The following PRKCSH variants were observed in gnomAD, a reference collection of about 807,000 sequenced individuals.
PRKCSH encodes the protein glucosidase 2 subunit beta.
In PRKCSH, 42 loss-of-function variants were observed where a neutral mutation model predicts 79.7. The observed-to-expected ratio is 0.53, with a 90% CI of 0.41 to 0.68. The LOEUF is 0.68. PRKCSH is among the 30% of genes least tolerant of loss of function. The probability of loss-of-function intolerance (pLI) is 0.00; values close to 1 mark genes in which losing one functional copy is unlikely to be tolerated. For synonymous variants in PRKCSH, 325 were observed against 288.2 expected (o/e 1.13, Z -1.29); for missense variants, 686 against 709.0 (o/e 0.97, Z 0.37).
At chr19:11,436,541 T>G in intron 3 of PRKCSH, 36 bp downstream of exon 3, 1 of 1,500,094 alleles carries the variant, frequency 6.7e-7, no homozygotes, top group Non-Finnish European at 9.2e-7. Flanking sequence ...CAGATGTTTA[T>G]TGAACACTGC....
chr19:11,441,409 T>G, intron 6 of PRKCSH, 52 bp downstream of exon 6: 2 of 1,533,380 alleles, frequency 1.3e-6, no homozygotes, highest in Non-Finnish European at 1.8e-6. Flanking sequence ...TGAGGCCTCA[T>G]AGTGTGGGCT....
Position 11,448,651 on chromosome 19 carries a change from G to T in PRKCSH, c.1286+22G>T. The T allele has an allele frequency of 1.2e-6, 2 of 1,606,164 alleles. No homozygotes were observed. The highest frequency in any genetic ancestry group is 1.7e-6 in the Non-Finnish European group (2 of 1,172,920). ...ACGAGTGCGTCCCAGGAATGCAGGG[G>T]CCCCCACTGGCAGGGTGGGAGGCGG... On this transcript the variant is annotated intron_variant, in intron 14 of 17. Transcript: ENST00000677123. The surrounding 1 kb of genome is among the most constrained non-coding windows in gnomAD (Gnocchi z 4.4).
At chr19:11,445,620 C>G in intron 8 of PRKCSH, 147 bp downstream of exon 8, 1 of 792,978 alleles carries the variant, frequency 1.3e-6, no homozygotes, top group Non-Finnish European at 2.1e-6. Flanking sequence ...GTGACCCCGC[C>G]TCTTACTCGT....
chr19:11,446,823 C>A (rs1294973852), intron 9 of PRKCSH, among the ~76,000 whole-genome samples: 1 of 151,096 alleles, frequency 6.6e-6, no homozygotes, highest in Middle Eastern at 3.4e-3. Context: ...TCTGTACGTC[C>A]GTTTGTCCAT....
Position 11,449,684 on chromosome 19 carries a change from A to G in PRKCSH, c.*16+256A>G, listed in dbSNP as rs1404624798. Reference sequence around the variant, plus strand: ...CAGCCTCCCAAGTAGCTGGGATTACAGGTGTGCACCACCATGCCTGGCTAA... The same window carrying G: ...CAGCCTCCCAAGTAGCTGGGATTACGGGTGTGCACCACCATGCCTGGCTAA... On this transcript the variant is annotated intron_variant, in intron 17 of 17. Coordinates refer to ENST00000677123, the MANE Select transcript of PRKCSH (RefSeq NM_001289104.2). The surrounding 1 kb of genome is among the most constrained non-coding windows in gnomAD (Gnocchi z 6.4). 7.8e-6 allele frequency: 4 copies of G among 514,414 alleles called. No homozygotes were observed. The highest frequency in any genetic ancestry group is 1.4e-5 in the Non-Finnish European group (4 of 284,590). The allele number at this position is 514,414 out of a possible 1,614,324, so 31.9% of individuals were successfully genotyped here. A position where few individuals can be genotyped will look rare whatever the true frequency, so the allele number is the denominator to read the frequency against.
rs1356183763 is a variant in PRKCSH at position 11,439,898 on chromosome 19, T to C, written c.351-1342T>C. Among the ~76,000 whole-genome samples, 5 of 151,670 alleles carry C rather than the reference T, an allele frequency of 3.3e-5. No homozygotes were observed. In the East Asian group the frequency reaches 9.7e-4, roughly 30 times the overall value. On this transcript the variant is annotated intron_variant, in intron 5 of 17. Coordinates refer to ENST00000677123, the MANE Select transcript of PRKCSH (RefSeq NM_001289104.2). The stretch of plus-strand genomic sequence containing the variant: ...CCTCCCAAAGTGCGGGGATTACAGA[T>C]GTGAGCCACCATGCCCGGCTGAAAA...
chr19:11,440,061 A>C (rs1969985773), intron 5 of PRKCSH, among the ~76,000 whole-genome samples: 1 of 151,884 alleles, frequency 6.6e-6, no homozygotes, highest in South Asian at 2.1e-4. Flanking sequence ...CAAAAAAAAC[A>C]CAAAGTCCTA....
At chr19:11,439,600 C>CTT (rs1969953628) in intron 5 of PRKCSH, among the ~76,000 whole-genome samples, 6 of 66,490 alleles carry the variant, frequency 9.0e-5, no homozygotes, top group African/African-American at 3.5e-4. Context: ...AAAAATTTTT[C>CTT]TTTTCTTTTT....
intron 5 of PRKCSH, among the ~76,000 whole-genome samples, chr19:11,439,526 G>A (rs918526877): frequency 3.3e-5 from 5 of 149,940 alleles, no homozygotes; most frequent in Admixed American, 6.6e-5. Context: ...AGGCTAAGGC[G>A]AGAGGATCAC....
rs191571650 is a variant in PRKCSH, at chr19:11,449,197, G to T, written c.1461+22G>T. 1,347 of 1,613,628 alleles carry T rather than the reference G, an allele frequency of 8.3e-4. 18 individuals are homozygous for T. In the East Asian group the frequency reaches 0.021, roughly 26 times the overall value. On this transcript the variant is annotated intron_variant, in intron 16 of 17. Coordinates refer to ENST00000677123, the MANE Select transcript of PRKCSH (RefSeq NM_001289104.2). This position sits in a 1 kb window ranked among gnomAD's most constrained non-coding sequence, Gnocchi z 6.4. Reference sequence around the variant, plus strand: ...CACCGTGAGTGCCTGCAAGGCAGGGGAGCTGGGGCGGGGAGACCCAGGCCT... The same window carrying T: ...CACCGTGAGTGCCTGCAAGGCAGGGTAGCTGGGGCGGGGAGACCCAGGCCT...
chr19:11,449,328 G>A lies in PRKCSH; in HGVS notation c.1524G>A (p.Glu508=). 6.2e-7 allele frequency: 1 copy of A among 1,613,598 alleles called. No homozygotes were observed. The highest frequency in any genetic ancestry group is 8.5e-7 in the Non-Finnish European group (1 of 1,179,974). The change falls in exon 17 of 18, where the codon GAG becomes GAA. Residue 508 remains glutamate, a synonymous_variant. Transcript: ENST00000677123. This position sits in a 1 kb window ranked among gnomAD's most constrained non-coding sequence, Gnocchi z 6.4. ...GCACCACAGAGCCCAGTCGCTGCGA[G>A]TACCTCATGGAGCTGATGACGCCAG... ...VTSTTEPSRC[E]YLMELMTPAA...
Position 11,449,355 on chromosome 19 carries a change from C to T in PRKCSH, c.1551C>T (p.Ala517=), listed in dbSNP as rs573119093. Residue 517 remains alanine (A), a synonymous_variant, in exon 17 of 18, where the codon GCC becomes GCT. Transcript: ENST00000677123. This position sits in a 1 kb window ranked among gnomAD's most constrained non-coding sequence, Gnocchi z 6.4. The stretch of plus-strand genomic sequence containing the variant: ...ACCTCATGGAGCTGATGACGCCAGC[C>T]GCCTGCCCGGAGCCACCGCCTGAAG... The part of the protein sequence containing the change: ...CEYLMELMTP[A]ACPEPPPEAP... 3.9e-5 allele frequency: 63 copies of T among 1,613,418 alleles called. 1 individual carries two copies. The highest frequency in any genetic ancestry group is 1.3e-4 in the African/African-American group (10 of 75,044).
intron 5 of PRKCSH, among the ~76,000 whole-genome samples, chr19:11,439,433 AG>A (rs1969944613): frequency 6.6e-6 from 1 of 150,864 alleles, no homozygotes; most frequent in African/African-American, 2.4e-5. Context: ...AAAATTAAAA[AG>A]TAAAAATAAA....
chr19:11,448,062 G>A lies in PRKCSH; in HGVS notation c.1127-160G>A. ...GCTGGGAGCCTGGGCAGCAAGTCGGGGCTGCTCTATAGCTGGTGAGGCCCT... is the reference window on the plus strand; with the variant it reads ...GCTGGGAGCCTGGGCAGCAAGTCGGAGCTGCTCTATAGCTGGTGAGGCCCT... On this transcript the variant is annotated intron_variant, in intron 12 of 17. Coordinates refer to ENST00000677123, the MANE Select transcript of PRKCSH (RefSeq NM_001289104.2). This position sits in a 1 kb window ranked among gnomAD's most constrained non-coding sequence, Gnocchi z 4.4. 1.2e-6 allele frequency: 1 copy of A among 843,344 alleles called. No individual in the cohort carries two copies. The highest frequency in any genetic ancestry group is 1.6e-5 in the South Asian group (1 of 63,956). The allele number at this position is 843,344 out of a possible 1,614,324, so 52.2% of individuals were successfully genotyped here.
intron 7 of PRKCSH, among the ~76,000 whole-genome samples, chr19:11,443,025 A>G (rs969098356): frequency 3.9e-5 from 6 of 151,980 alleles, no homozygotes; most frequent in Non-Finnish European, 5.9e-5. Context: ...TTTAACATCA[A>G]TGTAGATTTT....
rs1351207418 is a variant in PRKCSH at position 11,449,019 on chromosome 19, GCCT to G, written c.1361+38_1361+40del. 6.2e-7 allele frequency: 1 copy of G among 1,612,876 alleles called. No homozygotes were observed. Among genetic ancestry groups the G allele is most frequent in the Non-Finnish European group, 8.5e-7 (1 of 1,179,920 alleles). On this transcript the variant is annotated intron_variant, in intron 15 of 17. Transcript: ENST00000677123. This position sits in a 1 kb window ranked among gnomAD's most constrained non-coding sequence, Gnocchi z 6.4. ...TGGCTTGGGCTGGCCCCTTCCCTCT[GCCT>G]CCTCCTGGTGCCCCGACACCGGCCC... is the stretch of plus-strand genomic sequence containing the variant.
Position 11,435,686 on chromosome 19 carries a change from T to C in PRKCSH, c.-98T>C, listed in dbSNP as rs1310950758. 6 of 1,307,860 alleles carry C rather than the reference T, an allele frequency of 4.6e-6. 1 individual carries two copies. The highest frequency in any genetic ancestry group is 4.5e-5 in the Admixed American group (2 of 44,016). 81.0% of individuals were successfully genotyped at this position (1,307,860 alleles called of 1,614,324 possible). A position where few individuals can be genotyped will look rare whatever the true frequency, so the allele number is the denominator to read the frequency against. On this transcript the variant is annotated 5_prime_UTR_variant, in exon 1 of 18. Coordinates refer to ENST00000677123, the MANE Select transcript of PRKCSH (RefSeq NM_001289104.2). ...TGGACAAGAGGGGTGCGGTGGATAC[T>C]GACCTTTGCTCCGGCCTCGTGTAGG...
intron 6 of PRKCSH, 47 bp downstream of exon 6, chr19:11,441,404 C>A: frequency 6.4e-7 from 1 of 1,571,908 alleles, no homozygotes; most frequent in African/African-American, 1.3e-5. Context: ...GGCCTTGAGG[C>A]CTCATAGTGT....
In PRKCSH at chr19:11,448,889, A is replaced by G. The variant is rs761679952; in HGVS notation, c.1287-25A>G. The G allele has an allele frequency of 2.4e-5, 39 of 1,613,606 alleles. No homozygotes were observed. The highest frequency in any genetic ancestry group is 9.9e-5 in the South Asian group (9 of 91,074). ...GAGGCTGGAATCCCTGCGTTCCCCA[A>G]CCCATATGTCCCGGTCCTCCACAGA... On this transcript the variant is annotated intron_variant, in intron 14 of 17. Transcript: ENST00000677123. The surrounding 1 kb of genome is among the most constrained non-coding windows in gnomAD (Gnocchi z 4.4).
Sources: gnomAD v4.1 joint callset for allele counts (sites outside exome capture counted in the v4.1 genomes callset) on GRCh38, gnomAD v4.1.1 for gene constraint, Gnocchi (gnomAD v3.1) non-coding constraint, MANE v1.5 for transcripts, NCBI Gene and HGNC (gene_info 2026-07-23, HGNC 2026-07-21) for gene names.